OTOF: variants seen among roughly 807,000 people sequenced by gnomAD.
The protein encoded by OTOF is fer-1-like family member 2.
Under a neutral mutation model 236.8 loss-of-function variants are expected in OTOF, and 218 were observed. The ratio of observed to expected loss-of-function variants is 0.92; its 90% CI spans 0.82 to 1.03. The LOEUF is 1.03. OTOF is among the 50% of genes least tolerant of loss of function. The pLI, the probability that OTOF is intolerant of heterozygous loss-of-function variation, is 0.00. For synonymous variants in OTOF, 1,041 were observed against 1,072.5 expected (o/e 0.97, Z 0.57); for missense variants, 2,590 against 2,694.4 (o/e 0.96, Z 0.86).
In OTOF at chr2:26,485,719, G is replaced by A. The variant is rs548253873; in HGVS notation, c.1046-1086C>T. 2.0e-4 allele frequency among the ~76,000 whole-genome samples: 31 copies of A among 152,294 alleles called. No individual in the cohort carries two copies. The East Asian group carries it at 4.6e-3, about 23-fold the overall frequency. Reference sequence around the variant, plus strand: ...ACCTTCTACCGTAGCCCAGGCCTGTGTCCTGCAAGCCTGTGGCCCTGGTGG... The same window carrying A: ...ACCTTCTACCGTAGCCCAGGCCTGTATCCTGCAAGCCTGTGGCCCTGGTGG... On this transcript the variant is annotated intron_variant, in intron 11 of 46. Coordinates refer to ENST00000272371, the MANE Select transcript of OTOF (RefSeq NM_194248.3).
intron 1 of OTOF, among the ~76,000 whole-genome samples, chr2:26,551,690 A>C (rs1024397963): frequency 2.0e-5 from 3 of 152,230 alleles, no homozygotes; most frequent in African/African-American, 7.2e-5. Flanking sequence ...GAACGAGTGG[A>C]TAAATGATTA....
intron 3 of OTOF, among the ~76,000 whole-genome samples, chr2:26,521,578 G>T (rs1666678335): frequency 6.6e-6 from 1 of 152,234 alleles, no homozygotes. Context: ...ATACTCCGGT[G>T]GTGGTGACAG....
At position 26,501,847 on chromosome 2, in the gene OTOF, G is replaced by A. The variant is rs780367383; in HGVS notation, c.711-39C>T. The A allele has an allele frequency of 1.4e-5, 21 of 1,508,340 alleles. No individual in the cohort carries two copies. The South Asian group carries it at 2.1e-4, about 15-fold the overall frequency. 93.4% of individuals were successfully genotyped at this position (1,508,340 alleles called of 1,614,324 possible). A position where few individuals can be genotyped will look rare whatever the true frequency, so the allele number is the denominator to read the frequency against. Reference sequence around the variant, plus strand: ...TGTACCATCAGGCCTGGGGTATGGGGACTGCTTGTTGGGGAGGAGGACACT... The same window carrying A: ...TGTACCATCAGGCCTGGGGTATGGGAACTGCTTGTTGGGGAGGAGGACACT... On this transcript the variant is annotated intron_variant, in intron 7 of 46. Coordinates refer to ENST00000272371, the MANE Select transcript of OTOF (RefSeq NM_194248.3).
intron 2 of OTOF, among the ~76,000 whole-genome samples, chr2:26,529,832 G>A (rs1466763695): frequency 7.6e-6 from 1 of 130,768 alleles, no homozygotes; most frequent in East Asian, 2.0e-4. Flanking sequence ...CAGGGCCTAG[G>A]GAGGGCTTCA....
Position 26,499,409 on chromosome 2 carries a change from C to T in OTOF, c.765+2345G>A, listed in dbSNP as rs967306582. ...GCTAAGTCTCCCCACATCTCACCAACGAGGTGTCCTTCCTGCGGTCTTTAT... is the reference window on the plus strand; with the variant it reads ...GCTAAGTCTCCCCACATCTCACCAATGAGGTGTCCTTCCTGCGGTCTTTAT... On this transcript the variant is annotated intron_variant, in intron 8 of 46. Coordinates refer to ENST00000272371, the MANE Select transcript of OTOF (RefSeq NM_194248.3). Among the ~76,000 whole-genome samples, 28 of 152,306 alleles carry T rather than the reference C, an allele frequency of 1.8e-4. 1 individual carries two copies. The highest frequency in any genetic ancestry group is 5.3e-4 in the African/African-American group (22 of 41,574).
At position 26,558,646 on chromosome 2, in the gene OTOF, CCT is replaced by C. The variant is rs930237648; in HGVS notation, c.-77_-76del. On this transcript the variant is annotated 5_prime_UTR_variant, in exon 1 of 47. Transcript: ENST00000272371. ...TAGCCGGTGGAGCACGGCTCACACG[CCT>C]CTCTCTTCTCTGCCGCTGCCTCCTC... The C allele has an allele frequency of 2.5e-5, 32 of 1,264,200 alleles. No homozygotes were observed. The highest frequency in any genetic ancestry group is 3.1e-5 in the Non-Finnish European group (27 of 865,420). The allele number at this position is 1,264,200 out of a possible 1,614,324, so 78.3% of individuals were successfully genotyped here.
chr2:26,524,727 C>T (rs1286478055), intron 3 of OTOF, among the ~76,000 whole-genome samples: 1 of 152,190 alleles, frequency 6.6e-6, no homozygotes, highest in East Asian at 1.9e-4. Context: ...ACCATCACTG[C>T]TCAAATATTT....
rs747407421 is a variant in OTOF, at chr2:26,472,521, C to T, written c.3862G>A (p.Ala1288Thr). The T allele has an allele frequency of 1.3e-5, 21 of 1,613,420 alleles. No homozygotes were observed. The highest frequency in any genetic ancestry group is 1.6e-4 in the Middle Eastern group (1 of 6,084). ...GGGGCTGACCCCACCCGCCTTACCGCGTCCAGCTTCACCATGGTCTCCAGT... is the reference window on the plus strand; with the variant it reads ...GGGGCTGACCCCACCCGCCTTACCGTGTCCAGCTTCACCATGGTCTCCAGT... Reference protein sequence around the residue: ...KKLETMVKLDATSEAVVKVDV... With the variant: ...KKLETMVKLDTTSEAVVKVDV... The change falls in exon 30 of 47, where the codon GCG becomes ACG. Residue 1288 changes from alanine to threonine, a missense_variant and splice_region_variant. This residue lies in a region of OTOF where 1,211 missense variants were observed against 1,352.8 expected (regional missense o/e 0.90). Coordinates refer to ENST00000272371, the MANE Select transcript of OTOF (RefSeq NM_194248.3).
At chr2:26,503,663 G>T in intron 6 of OTOF, 109 bp downstream of exon 6, 2 of 949,222 alleles carry the variant, frequency 2.1e-6, no homozygotes, top group South Asian at 1.3e-5. Context: ...GCCTGGCCCT[G>T]GGACGACCTA....
Position 26,457,286 on chromosome 2 carries a change from G to A in OTOF, c.*952C>T, listed in dbSNP as rs191859711. On this transcript the variant is annotated 3_prime_UTR_variant, in exon 47 of 47. Coordinates refer to ENST00000272371, the MANE Select transcript of OTOF (RefSeq NM_194248.3). The surrounding 1 kb of genome is among the most constrained non-coding windows in gnomAD (Gnocchi z 4.4). ...CAACAGAAACCCAGACACAGGCAGG[G>A]GCAGCACTTGACGGGCCAGCTCCCA... is the stretch of plus-strand genomic sequence containing the variant. 2.6e-5 allele frequency: 4 copies of A among 153,082 alleles called. No homozygotes were observed. The highest frequency in any genetic ancestry group is 2.6e-4 in the Admixed American group (4 of 15,324). The allele number at this position is 153,082 out of a possible 1,614,324, so 9.5% of individuals were successfully genotyped here.
At chr2:26,502,152 C>T (rs372330328) in intron 7 of OTOF, 148 bp downstream of exon 7, 1 of 855,164 alleles carries the variant, frequency 1.2e-6, no homozygotes, top group Non-Finnish European at 1.9e-6. Context: ...GAAAAACACC[C>T]AAGGAAAAGC....
At chr2:26,548,184 AG>A (rs1022386424) in intron 1 of OTOF, among the ~76,000 whole-genome samples, 44 of 152,020 alleles carry the variant, frequency 2.9e-4, no homozygotes, top group African/African-American at 9.9e-4. Context: ...AAGTCTTGCT[AG>A]GGTTTATCTA....
chr2:26,485,043 C>T (rs1665668461), intron 11 of OTOF, among the ~76,000 whole-genome samples: 1 of 152,194 alleles, frequency 6.6e-6, no homozygotes, highest in Non-Finnish European at 1.5e-5. Context: ...TCTGGGGCTT[C>T]CCAGTGCCTT....
At position 26,458,214 on chromosome 2, in the gene OTOF, G is replaced by A. The variant is rs766474155; in HGVS notation, c.*24C>T. The A allele has an allele frequency of 1.6e-5, 26 of 1,579,880 alleles. 1 individual carries two copies. The highest frequency in any genetic ancestry group is 7.4e-5 in the Admixed American group (4 of 53,970). ...TGAGGAACCAGACGAAGGCCGTGTC[G>A]GGCCGGCTGGGAAGTGGAAGAGAGG... On this transcript the variant is annotated 3_prime_UTR_variant, in exon 47 of 47. Coordinates refer to ENST00000272371, the MANE Select transcript of OTOF (RefSeq NM_194248.3).
intron 11 of OTOF, 96 bp from the exon 12 acceptor site, chr2:26,484,729 G>C: frequency 2.3e-6 from 3 of 1,298,886 alleles, no homozygotes; most frequent in African/African-American, 1.5e-5. Context: ...ACCAAATGCT[G>C]TCTTGGTCCC....
chr2:26,463,637 C>T, intron 40 of OTOF, 66 bp from the exon 41 acceptor site: 1 of 1,290,298 alleles, frequency 7.8e-7, no homozygotes, highest in Non-Finnish European at 1.1e-6. Flanking sequence ...ATCAGCTCTC[C>T]TCTCCCTCCT....
intron 1 of OTOF, among the ~76,000 whole-genome samples, chr2:26,542,965 G>T (rs1667242915): frequency 6.6e-6 from 1 of 152,204 alleles, no homozygotes; most frequent in African/African-American, 2.4e-5. Flanking sequence ...GTAAAACTCT[G>T]CTGGTGACTC....
chr2:26,488,685 C>T (rs149564074), intron 11 of OTOF, among the ~76,000 whole-genome samples: 2,254 of 152,348 alleles, frequency 0.015, 19 homozygotes, highest in Middle Eastern at 0.037. Context: ...GACACACAGC[C>T]TGACTTCACC....
intron 1 of OTOF, among the ~76,000 whole-genome samples, chr2:26,542,662 C>A (rs761995992): frequency 6.6e-6 from 1 of 152,148 alleles, no homozygotes; most frequent in East Asian, 1.9e-4. Flanking sequence ...TGTTTGAAAG[C>A]GTAGAGCAGA....
Sources: gnomAD v4.1 joint callset for allele counts (sites outside exome capture counted in the v4.1 genomes callset) on GRCh38, gnomAD v4.1.1 for gene constraint, gnomAD v4.1.1 regional missense constraint, Gnocchi (gnomAD v3.1) non-coding constraint, MANE v1.5 for transcripts, NCBI Gene and HGNC (gene_info 2026-07-23, HGNC 2026-07-21) for gene names.